Variants in OGFOD1 observed in about 807,000 individuals in gnomAD.
The protein encoded by OGFOD1 is 2-oxoglutarate and iron dependent oxygenase domain containing 1.
A neutral mutation model predicts 67.7 loss-of-function variants in OGFOD1; 54 were observed. That is an observed-to-expected ratio of 0.80 (90% CI 0.64 to 1.00). The LOEUF is 1.00. OGFOD1 is among the 50% of genes least tolerant of loss of function. OGFOD1 has a pLI of 0.00. For synonymous variants in OGFOD1, 221 were observed against 227.0 expected, an observed-to-expected ratio of 0.97 and a Z score of 0.24; for missense variants, 606 against 646.7, an observed-to-expected ratio of 0.94 and a Z score of 0.68.
At chr16:56,475,738 A>T (rs1460447781) in intron 12 of OGFOD1, among the ~76,000 whole-genome samples, 173 bp downstream of exon 12, 2 of 152,366 alleles carry the variant, frequency 1.3e-5, no homozygotes, top group East Asian at 3.9e-4. Flanking sequence ...ATGCTAAAGG[A>T]TACTCAGTAA....
chr16:56,473,234 A>C (rs140547138), intron 10 of OGFOD1, among the ~76,000 whole-genome samples: 1 of 152,266 alleles, frequency 6.6e-6, no homozygotes, highest in African/African-American at 2.4e-5. Context: ...CTGGCCACCA[A>C]AGCAGTTTTA....
At chr16:56,472,026 A>G (rs1395978228) in intron 10 of OGFOD1, among the ~76,000 whole-genome samples, 2 of 152,108 alleles carry the variant, frequency 1.3e-5, no homozygotes, top group African/African-American at 2.4e-5. Context: ...CAGTGGTGCA[A>G]TCACAGCTCA....
intron 10 of OGFOD1, among the ~76,000 whole-genome samples, chr16:56,472,604 AT>A (rs1289310772): frequency 6.6e-6 from 1 of 152,246 alleles, no homozygotes; most frequent in African/African-American, 2.4e-5. Flanking sequence ...ATTTTAAAAA[AT>A]AAAAATACGT....
intron 9 of OGFOD1, 40 bp from the exon 10 acceptor site, chr16:56,470,447 C>G: frequency 6.5e-7 from 1 of 1,537,818 alleles, no homozygotes; most frequent in South Asian, 1.2e-5. Flanking sequence ...CATTTTACAT[C>G]TGTGGCTTTG....
At chr16:56,458,368 T>C in intron 2 of OGFOD1, 180 bp from the exon 3 acceptor site, 2 of 631,582 alleles carry the variant, frequency 3.2e-6, no homozygotes, top group Non-Finnish European at 5.7e-6. Flanking sequence ...CAGAGGGTAA[T>C]AACTTGTCAA....
At chr16:56,466,372 A>C (rs1457388094) in intron 5 of OGFOD1, 104 bp downstream of exon 5, 1 of 698,186 alleles carries the variant, frequency 1.4e-6, no homozygotes, top group East Asian at 2.7e-5. Context: ...TGTACTCCTC[A>C]AAGGAAGTGG....
intron 2 of OGFOD1, among the ~76,000 whole-genome samples, chr16:56,454,220 T>C (rs1962434801): frequency 6.6e-6 from 1 of 152,118 alleles, no homozygotes; most frequent in Non-Finnish European, 1.5e-5. Flanking sequence ...TGGTGGCATG[T>C]ACCTGTAATC....
chr16:56,453,017 G>C (rs1292019792), intron 1 of OGFOD1, among the ~76,000 whole-genome samples: 1 of 152,162 alleles, frequency 6.6e-6, no homozygotes, highest in African/African-American at 2.4e-5. Context: ...TAGGAACCTT[G>C]ATTTAGTGAC....
chr16:56,467,591 T>C (rs1962961082), intron 7 of OGFOD1, among the ~76,000 whole-genome samples: 1 of 152,018 alleles, frequency 6.6e-6, no homozygotes, highest in Non-Finnish European at 1.5e-5. Flanking sequence ...CACGCCTGGC[T>C]AATTTTCATA....
At chr16:56,453,175 A>G (rs1376397680) in intron 1 of OGFOD1, 88 bp from the exon 2 acceptor site, 2 of 1,358,222 alleles carry the variant, frequency 1.5e-6, no homozygotes, top group African/African-American at 2.9e-5. Flanking sequence ...ATTCATGACC[A>G]TCCCCTTTTG....
Position 56,462,416 on chromosome 16 carries a change from T to C in OGFOD1, c.348-118T>C, listed in dbSNP as rs1237577571. 1.4e-5 allele frequency: 9 copies of C among 643,148 alleles called. No homozygotes were observed. The Middle Eastern group carries it at 1.1e-3, about 75-fold the overall frequency. The allele number at this position is 643,148 out of a possible 1,614,324, so 39.8% of individuals were successfully genotyped here. A position where few individuals can be genotyped will look rare whatever the true frequency, so the allele number is the denominator to read the frequency against. On this transcript the variant is annotated intron_variant, in intron 3 of 12. Transcript: ENST00000566157. ...GAATGTCTCAAATGAGATCGGAGAA[T>C]GGATCTCTTGAATACAATGTGATCT...
At chr16:56,464,571 T>C (rs1334985448) in intron 4 of OGFOD1, among the ~76,000 whole-genome samples, 3 of 152,210 alleles carry the variant, frequency 2.0e-5, no homozygotes, top group African/African-American at 7.2e-5. Flanking sequence ...TTCATTCGTT[T>C]ATATTGGTAT....
chr16:56,471,953 C>CTGTT (rs35730390), intron 10 of OGFOD1, among the ~76,000 whole-genome samples: 33,987 of 151,432 alleles, frequency 0.22, 4,230 homozygotes, highest in African/African-American at 0.34. Context: ...TTATCCACTT[C>CTGTT]TGTTTGTTTG....
intron 1 of OGFOD1, 52 bp from the exon 2 acceptor site, chr16:56,453,211 T>A: frequency 6.4e-7 from 1 of 1,561,358 alleles, no homozygotes; most frequent in Non-Finnish European, 8.7e-7. Flanking sequence ...GTTACTTGGA[T>A]GTCAAAAATA....
In OGFOD1 at chr16:56,478,599, T is replaced by C. The variant is rs1339990182; in HGVS notation, c.*2394T>C. ...AGTGCTTGGGTAGGTGAAACTGTCA[T>C]GTGTGCCAAGCTTGGAAAATAGTTT... On this transcript the variant is annotated 3_prime_UTR_variant, in exon 13 of 13. Transcript: ENST00000566157. The C allele has an allele frequency of 6.6e-6, 1 of 152,206 alleles. No homozygotes were observed. Among genetic ancestry groups the C allele is most frequent in the Non-Finnish European group, 1.5e-5 (1 of 68,042 alleles). The allele number at this position is 152,206 out of a possible 1,614,324, so 9.4% of individuals were successfully genotyped here.
In OGFOD1 at chr16:56,475,061, C is replaced by G. The variant is rs546055213; in HGVS notation, c.1408+111C>G. ...ATAAGTAATTTGCCTAGTTCAGAAT[C>G]TCACATCATGGGATCTCAAAGTCAA... On this transcript the variant is annotated intron_variant, in intron 11 of 12. Transcript: ENST00000566157. 5 of 1,132,448 alleles carry G rather than the reference C, an allele frequency of 4.4e-6. No homozygotes were observed. The South Asian group carries it at 7.4e-5, about 17-fold the overall frequency. 70.1% of individuals were successfully genotyped at this position (1,132,448 alleles called of 1,614,324 possible). A position where few individuals can be genotyped will look rare whatever the true frequency, so the allele number is the denominator to read the frequency against.
chr16:56,458,619 G>A (rs1459541794), intron 3 of OGFOD1, 25 bp downstream of exon 3: 7 of 1,582,726 alleles, frequency 4.4e-6, no homozygotes, highest in African/African-American at 2.7e-5. Flanking sequence ...ATATTTGTTG[G>A]GTGCTAATAT....
intron 3 of OGFOD1, among the ~76,000 whole-genome samples, chr16:56,461,979 G>A (rs1437342627): frequency 6.6e-6 from 1 of 151,932 alleles, no homozygotes; most frequent in Non-Finnish European, 1.5e-5. Context: ...TGTAGTCCCA[G>A]CTACTCGGGA....
intron 10 of OGFOD1, among the ~76,000 whole-genome samples, chr16:56,471,497 G>A (rs1963183586): frequency 1.3e-5 from 2 of 152,150 alleles, no homozygotes; most frequent in Non-Finnish European, 2.9e-5. Context: ...TAACACTCCT[G>A]TGAAAATATT....
Sources: allele counts gnomAD v4.1 joint callset (sites outside exome capture counted in the v4.1 genomes callset), GRCh38; gene constraint gnomAD v4.1.1; transcripts MANE v1.5; gene names NCBI Gene and HGNC (gene_info 2026-07-23, HGNC 2026-07-21).